The following FAM184B variants were observed in gnomAD, a reference collection of about 807,000 sequenced individuals.
FAM184B encodes protein FAM184B.
In FAM184B, 111 loss-of-function variants were observed where a neutral mutation model predicts 135.9. The ratio of observed to expected loss-of-function variants is 0.82; its 90% CI spans 0.70 to 0.96. The LOEUF is 0.96. FAM184B is among the 40% of genes least tolerant of loss of function. The pLI, the probability that FAM184B is intolerant of heterozygous loss-of-function variation, is 0.00. For synonymous variants in FAM184B, 552 were observed against 524.8 expected, an observed-to-expected ratio of 1.05 and a Z score of -0.71; for missense variants, 1,375 against 1,323.9, an observed-to-expected ratio of 1.04 and a Z score of -0.60.
intron 13 of FAM184B, among the ~76,000 whole-genome samples, chr4:17,640,489 A>T (rs1715278895): frequency 6.6e-6 from 1 of 151,456 alleles, no homozygotes; most frequent in Non-Finnish European, 1.5e-5. Flanking sequence ...CTCAAAAAAA[A>T]AAAAAAGAAA....
rs1303721388 is a variant in FAM184B at position 17,688,522 on chromosome 4, G to A, written c.1498C>T (p.Leu500=). The A allele has an allele frequency of 6.5e-7, 1 of 1,548,324 alleles. No individual in the cohort carries two copies. The highest frequency in any genetic ancestry group is 1.4e-5 in the African/African-American group (1 of 72,720). ...LQNSLLEVLR[L]EEFIQQNKTR... is the part of the protein sequence containing the mutation. ...TTATTTTGTTGGATAAATTCTTCCA[G>A]CCTTAAAACCTAAAACAGGAGATAA... The change falls in exon 7 of 18, where the codon CTG becomes TTG. Residue 500 remains leucine, a synonymous_variant. Transcript: ENST00000265018.
chr4:17,708,065 G>A (rs1263290798), intron 2 of FAM184B, among the ~76,000 whole-genome samples: 3 of 152,122 alleles, frequency 2.0e-5, no homozygotes, highest in Admixed American at 2.0e-4. Flanking sequence ...GCTTTTGTGG[G>A]GCTCACATAA....
intron 1 of FAM184B, among the ~76,000 whole-genome samples, chr4:17,721,209 C>T (rs1182267167): frequency 6.6e-6 from 1 of 151,496 alleles, no homozygotes; most frequent in Non-Finnish European, 1.5e-5. Context: ...CAGTGAAACC[C>T]CATCTCTACT....
intron 1 of FAM184B, among the ~76,000 whole-genome samples, chr4:17,736,766 C>T (rs1717918441): frequency 6.6e-6 from 1 of 152,206 alleles, no homozygotes. Context: ...CATAGCCACA[C>T]CTGGCCACAC....
intron 1 of FAM184B, among the ~76,000 whole-genome samples, chr4:17,744,448 TTC>T (rs1274682958): frequency 1.2e-3 from 159 of 130,620 alleles, no homozygotes; most frequent in African/African-American, 3.3e-3. Flanking sequence ...GAGTCACTCA[TTC>T]TCTCTCTCTC....
At chr4:17,689,779 A>C (rs980892107) in intron 6 of FAM184B, among the ~76,000 whole-genome samples, 8 of 152,126 alleles carry the variant, frequency 5.3e-5, no homozygotes, top group African/African-American at 1.9e-4. Context: ...CACTACACCC[A>C]GCCAGGAACC....
chr4:17,644,902 CA>C (rs1715427929), intron 12 of FAM184B, among the ~76,000 whole-genome samples: 1 of 152,196 alleles, frequency 6.6e-6, no homozygotes, highest in South Asian at 2.1e-4. Flanking sequence ...GATACAAAAT[CA>C]ATGTGCAAAA....
chr4:17,635,914 G>A (rs1000438970), intron 15 of FAM184B, among the ~76,000 whole-genome samples: 1 of 152,072 alleles, frequency 6.6e-6, no homozygotes, highest in Non-Finnish European at 1.5e-5. Flanking sequence ...ACAAAAAGAA[G>A]ATCAACAATA....
intron 1 of FAM184B, among the ~76,000 whole-genome samples, chr4:17,780,735 C>T (rs1032424672): frequency 1.3e-5 from 2 of 152,024 alleles, no homozygotes; most frequent in Non-Finnish European, 2.9e-5. Flanking sequence ...CAACAAATGA[C>T]GCAAATATTT....
At chr4:17,642,341 T>G (rs998898479) in intron 12 of FAM184B, 113 bp from the exon 13 acceptor site, 6 of 1,375,330 alleles carry the variant, frequency 4.4e-6, no homozygotes, top group Non-Finnish European at 5.6e-6. Flanking sequence ...CCGCCCAGGC[T>G]GGAGCCTGTG....
In FAM184B at chr4:17,647,623, GC is replaced by G. The variant is rs1715505060; in HGVS notation, c.2346+13del. 3 of 1,546,130 alleles carry G rather than the reference GC, an allele frequency of 1.9e-6. No homozygotes were observed. Among genetic ancestry groups the G allele is most frequent in the Non-Finnish European group, 2.6e-6 (3 of 1,143,902 alleles). ...TGGGAGGGGTATTGCTGGTGCAAGG[GC>G]GGGGGCACTGACCTCTGTGGCGATT... On this transcript the variant is annotated intron_variant, in intron 12 of 17. Coordinates refer to ENST00000265018, the MANE Select transcript of FAM184B (RefSeq NM_015688.2).
At position 17,709,569 on chromosome 4, in the gene FAM184B, C is replaced by A; in HGVS notation, c.217G>T (p.Glu73Ter). 6.5e-7 allele frequency: 1 copy of A among 1,549,872 alleles called. No homozygotes were observed. Among genetic ancestry groups the A allele is most frequent in the Admixed American group, 2.0e-5 (1 of 50,850 alleles). ...GTCTCTGCCACCGCATTCTGGAGCT[C>A]CTCCTGGTGCGCTTCCCGCAGCGCC... ...MEALREAHQE[E>*]LQNAVAETKA... The change falls in exon 2 of 18, where the codon GAG becomes TAG. Residue 73 changes from glutamate (E) to a stop codon, truncating the protein, a stop_gained. Transcript: ENST00000265018. LOFTEE classifies it high-confidence loss of function.
chr4:17,767,128 C>G (rs1398576817), intron 1 of FAM184B, among the ~76,000 whole-genome samples: 1 of 152,166 alleles, frequency 6.6e-6, no homozygotes, highest in Non-Finnish European at 1.5e-5. Context: ...CAACGCCCAC[C>G]CGGAACTCGC....
Position 17,664,650 on chromosome 4 carries a change from A to T in FAM184B, c.1606T>A (p.Leu536Met), listed in dbSNP as rs554610610. The T allele has an allele frequency of 1.7e-5, 26 of 1,549,678 alleles. No individual in the cohort carries two copies. The highest frequency in any genetic ancestry group is 2.7e-5 in the African/African-American group (2 of 72,742). Residue 536 changes from leucine to methionine, a missense_variant, in exon 8 of 18, where the codon TTG (leucine) becomes ATG (methionine). Coordinates refer to ENST00000265018, the MANE Select transcript of FAM184B (RefSeq NM_015688.2). Reference protein sequence around the residue: ...CSILETQDPCLKLDETSPRGE... With the variant: ...CSILETQDPCMKLDETSPRGE... ...CTCGGCGAAGTTTCATCCAGCTTCA[A>T]GCATGGATCCTAAGGCCAAAAAAGA...
chr4:17,760,615 C>T (rs1198250562), intron 1 of FAM184B, among the ~76,000 whole-genome samples: 1 of 152,134 alleles, frequency 6.6e-6, no homozygotes, highest in Non-Finnish European at 1.5e-5. Flanking sequence ...AAAAAGGACA[C>T]ATCTCTAGGA....
At chr4:17,747,111 A>G (rs556368334) in intron 1 of FAM184B, among the ~76,000 whole-genome samples, 65 of 152,130 alleles carry the variant, frequency 4.3e-4, no homozygotes, top group African/African-American at 1.4e-3. Flanking sequence ...GTTCTACACA[A>G]ATTATTTCCT....
chr4:17,685,155 CT>C (rs1716549072), intron 7 of FAM184B, among the ~76,000 whole-genome samples: 2 of 148,652 alleles, frequency 1.3e-5, no homozygotes, highest in Non-Finnish European at 3.0e-5. Context: ...ACATGTTTAC[CT>C]TTGTAACAAA....
chr4:17,678,978 G>A (rs1204727927), intron 7 of FAM184B, among the ~76,000 whole-genome samples: 8 of 152,258 alleles, frequency 5.3e-5, no homozygotes, highest in Non-Finnish European at 1.0e-4. Context: ...CAAGCCACAC[G>A]TAGAAGAATG....
intron 17 of FAM184B, chr4:17,633,333 C>A (rs1401638588): frequency 5.6e-6 from 1 of 178,830 alleles, no homozygotes; most frequent in Non-Finnish European, 1.2e-5. Context: ...GTGCTAAGCA[C>A]ATCCTATGGA....
Sources: allele counts gnomAD v4.1 joint callset (sites outside exome capture counted in the v4.1 genomes callset), GRCh38; gene constraint gnomAD v4.1.1; transcripts MANE v1.5; gene names NCBI Gene and HGNC (gene_info 2026-07-23, HGNC 2026-07-21).